The following CDK6 variants were observed in gnomAD, a reference collection of about 807,000 sequenced individuals.
The protein encoded by CDK6 is cyclin-dependent kinase 6.
A neutral mutation model predicts 37.1 loss-of-function variants in CDK6; 6 were observed. That is an observed-to-expected ratio of 0.16 (90% CI 0.09 to 0.32). CDK6 has a LOEUF of 0.32. Among genes scored for constraint, CDK6 ranks in the 10% least tolerant of loss-of-function variants. The pLI is 1.00. For missense variants in CDK6, 224 were observed against 418.9 expected, an observed-to-expected ratio of 0.53 and a Z score of 4.06; for synonymous variants, 160 against 161.3, an observed-to-expected ratio of 0.99 and a Z score of 0.06.
intron 3 of CDK6, among the ~76,000 whole-genome samples, chr7:92,742,455 G>T (rs923367660): frequency 2.6e-5 from 4 of 152,146 alleles, no homozygotes; most frequent in African/African-American, 9.7e-5. Context: ...ACACTTGCTG[G>T]TTTGCCAAGA....
chr7:92,751,036 C>T (rs771200909), intron 3 of CDK6, among the ~76,000 whole-genome samples: 5 of 152,038 alleles, frequency 3.3e-5, no homozygotes, highest in African/African-American at 7.2e-5. Context: ...GGGAGGTCTT[C>T]GTATTTTTTT....
In CDK6 at chr7:92,672,164, CAT is replaced by C. The variant is rs1554401690; in HGVS notation, c.538-631_538-630del. Among the ~76,000 whole-genome samples the C allele has an allele frequency of 1.1e-3, 60 of 54,212 alleles. 1 individual carries two copies. The highest frequency in any genetic ancestry group is 2.7e-3 in the African/African-American group (42 of 15,400). The allele number at this position is 54,212 out of a possible 152,430, so 35.6% of individuals were successfully genotyped here. On this transcript the variant is annotated intron_variant, in intron 4 of 7. Transcript: ENST00000424848. ...ATATATATATATATATATATATACA[CAT>C]ACACACACACACACACAGACACATA...
intron 3 of CDK6, among the ~76,000 whole-genome samples, chr7:92,766,129 G>A (rs1344438097): frequency 1.3e-5 from 2 of 152,184 alleles, no homozygotes; most frequent in South Asian, 4.1e-4. Context: ...CTGGAGCTAA[G>A]TTTTCAGTAG....
intron 5 of CDK6, among the ~76,000 whole-genome samples, chr7:92,631,356 A>C (rs1032421959): frequency 6.6e-6 from 1 of 152,156 alleles, no homozygotes; most frequent in African/African-American, 2.4e-5. Flanking sequence ...TTTTTTAAAA[A>C]AATTAAGTTC....
chr7:92,771,517 A>G (rs1395017052), intron 3 of CDK6, among the ~76,000 whole-genome samples: 4 of 152,216 alleles, frequency 2.6e-5, no homozygotes, highest in Non-Finnish European at 4.4e-5. Flanking sequence ...TTACTTATAC[A>G]TAAGTAGTCT....
chr7:92,690,582 A>G (rs144868391), intron 4 of CDK6, among the ~76,000 whole-genome samples: 1 of 152,240 alleles, frequency 6.6e-6, no homozygotes, highest in African/African-American at 2.4e-5. Context: ...AAAAAGAAAT[A>G]TTTAATTCAG....
intron 6 of CDK6, among the ~76,000 whole-genome samples, chr7:92,621,162 G>T (rs1795798210): frequency 6.6e-6 from 1 of 152,184 alleles, no homozygotes; most frequent in Admixed American, 6.5e-5. Flanking sequence ...ATTTTTTCAA[G>T]TACTTCAGCA....
At chr7:92,670,420 T>C (rs1363617896) in intron 5 of CDK6, among the ~76,000 whole-genome samples, 2 of 152,208 alleles carry the variant, frequency 1.3e-5, no homozygotes, top group Non-Finnish European at 2.9e-5. Flanking sequence ...ACCACTTCTT[T>C]TCCTTGTGAG....
intron 4 of CDK6, among the ~76,000 whole-genome samples, chr7:92,672,797 A>C (rs890781293): frequency 6.6e-6 from 1 of 152,058 alleles, no homozygotes; most frequent in Non-Finnish European, 1.5e-5. Flanking sequence ...AAATTTTCTA[A>C]AATTCTGCTT....
chr7:92,679,153 T>G (rs1034895089), intron 4 of CDK6, among the ~76,000 whole-genome samples: 6 of 152,314 alleles, frequency 3.9e-5, no homozygotes, highest in African/African-American at 1.4e-4. Context: ...GTGTGCCATC[T>G]ATTTCCTGTT....
intron 6 of CDK6, among the ~76,000 whole-genome samples, chr7:92,621,014 T>C (rs1031468668): frequency 6.6e-6 from 1 of 152,256 alleles, no homozygotes; most frequent in Non-Finnish European, 1.5e-5. Flanking sequence ...TGTGAAATTC[T>C]GATAGGTCCA....
intron 2 of CDK6, among the ~76,000 whole-genome samples, chr7:92,811,673 T>C (rs1420999303): frequency 6.6e-6 from 1 of 152,030 alleles, no homozygotes; most frequent in African/African-American, 2.4e-5. Flanking sequence ...AGAGAAAAAG[T>C]AGGCAGACTT....
chr7:92,808,616 T>A (rs1465319379), intron 2 of CDK6, among the ~76,000 whole-genome samples: 1 of 152,178 alleles, frequency 6.6e-6, no homozygotes, highest in Non-Finnish European at 1.5e-5. Flanking sequence ...ATCAATGGAG[T>A]TAAATCCAAT....
At chr7:92,616,901 TA>T (rs998431393) in intron 7 of CDK6, among the ~76,000 whole-genome samples, 7 of 151,988 alleles carry the variant, frequency 4.6e-5, no homozygotes, top group South Asian at 4.2e-4. Flanking sequence ...GAAATATGGT[TA>T]AAAAAAAGGT....
At chr7:92,806,743 A>G (rs1800734879) in intron 2 of CDK6, among the ~76,000 whole-genome samples, 1 of 152,324 alleles carries the variant, frequency 6.6e-6, no homozygotes, top group Middle Eastern at 3.4e-3. Flanking sequence ...CATGCCAAGT[A>G]TAACAACTCC....
At chr7:92,688,220 T>C (rs1044670837) in intron 4 of CDK6, among the ~76,000 whole-genome samples, 7 of 152,194 alleles carry the variant, frequency 4.6e-5, no homozygotes, top group African/African-American at 4.8e-5. Context: ...CAGAAATGTA[T>C]GAGAGTTACA....
intron 3 of CDK6, among the ~76,000 whole-genome samples, chr7:92,748,903 G>A (rs1799121796): frequency 6.6e-6 from 1 of 152,054 alleles, no homozygotes; most frequent in South Asian, 2.1e-4. Flanking sequence ...GGTGGCACAT[G>A]CCTGAAATCC....
At chr7:92,716,212 T>C (rs1341716260) in intron 4 of CDK6, among the ~76,000 whole-genome samples, 2 of 152,208 alleles carry the variant, frequency 1.3e-5, no homozygotes, top group East Asian at 1.9e-4. Context: ...AATCCATTCA[T>C]TGATTCATTT....
At chr7:92,667,126 T>TA (rs1367966770) in intron 5 of CDK6, among the ~76,000 whole-genome samples, 9 of 152,024 alleles carry the variant, frequency 5.9e-5, no homozygotes, top group East Asian at 1.9e-4. Flanking sequence ...AGTAAAAAAA[T>TA]AAAAAATTTA....
Sources: allele counts gnomAD v4.1 joint callset (sites outside exome capture counted in the v4.1 genomes callset), GRCh38; gene constraint gnomAD v4.1.1; transcripts MANE v1.5; gene names NCBI Gene and HGNC (gene_info 2026-07-23, HGNC 2026-07-21).